ZBTB25: variants seen among roughly 807,000 people sequenced by gnomAD.
The protein encoded by ZBTB25 is zinc finger and BTB domain containing 25.
A neutral mutation model predicts 34.2 loss-of-function variants in ZBTB25; 20 were observed. The ratio of observed to expected loss-of-function variants is 0.58; its 90% CI spans 0.41 to 0.85. The LOEUF is 0.85. Ranked by LOEUF, ZBTB25 falls within the 40% of genes least tolerant of loss-of-function variation. The pLI, the probability that ZBTB25 is intolerant of heterozygous loss-of-function variation, is 0.00. For missense variants in ZBTB25, 437 were observed against 521.8 expected (o/e 0.84, Z 1.58); for synonymous variants, 175 against 186.4 (o/e 0.94, Z 0.50).
chr14:64,494,619 ACT>A (rs1253167061), intron 1 of ZBTB25, among the ~76,000 whole-genome samples: 1 of 152,074 alleles, frequency 6.6e-6, no homozygotes, highest in African/African-American at 2.4e-5. Flanking sequence ...ACAGAGCGAG[ACT>A]CTGTCTCAAA....
rs199543825 is a variant in ZBTB25 at position 64,487,429 on chromosome 14, C to T, written c.802G>A (p.Gly268Ser). ...CTTTCCAGAATGGAAGCAGGGACACCGAATGGCAGGGATCCAGACACATGT... is the reference window on the plus strand; with the variant it reads ...CTTTCCAGAATGGAAGCAGGGACACTGAATGGCAGGGATCCAGACACATGT... ...HTHVSGSLPF[G>S]VPASILESND... The change falls in exon 3 of 3, where the codon GGT becomes AGT. Residue 268 changes from glycine to serine, a missense_variant. Transcript: ENST00000608382. 5.3e-5 allele frequency: 85 copies of T among 1,614,114 alleles called. No individual in the cohort carries two copies. The highest frequency in any genetic ancestry group is 4.2e-4 in the South Asian group (38 of 91,078).
At chr14:64,499,246 T>C (rs949835036) in intron 1 of ZBTB25, among the ~76,000 whole-genome samples, 2 of 152,144 alleles carry the variant, frequency 1.3e-5, no homozygotes, top group East Asian at 1.9e-4. Flanking sequence ...GTAATTCTAA[T>C]TGTAACCTTA....
At position 64,479,669 on chromosome 14, in the gene ZBTB25, C is replaced by G. The variant is rs534578760; in HGVS notation, c.*7254G>C. 6.6e-6 allele frequency: 1 copy of G among 152,230 alleles called. No homozygotes were observed. Among genetic ancestry groups the G allele is most frequent in the Admixed American group, 6.5e-5 (1 of 15,280 alleles). The allele number at this position is 152,230 out of a possible 1,614,324, so 9.4% of individuals were successfully genotyped here. A position where few individuals can be genotyped will look rare whatever the true frequency, so the allele number is the denominator to read the frequency against. On this transcript the variant is annotated 3_prime_UTR_variant, in exon 3 of 3. Coordinates refer to ENST00000608382, the MANE Select transcript of ZBTB25 (RefSeq NM_006977.5). ...GCCTGACTGCTTGAGCTGCAATTATCGGTCTTTTCTTCCCTTTGGACCCAA... is the reference window on the plus strand; with the variant it reads ...GCCTGACTGCTTGAGCTGCAATTATGGGTCTTTTCTTCCCTTTGGACCCAA...
chr14:64,504,900 C>T, upstream of ZBTB25: 2 of 396,114 alleles, frequency 5.0e-6, no homozygotes, highest in Admixed American at 8.8e-5. Context: ...GGCTGATTTG[C>T]CTTAAACTCC....
exon 3 of ZBTB25, chr14:64,449,451 T>C (rs2078336127): frequency 1.2e-6 from 2 of 1,613,256 alleles, no homozygotes; most frequent in Admixed American, 1.7e-5. Flanking sequence ...ATAGGACGGA[T>C]ACAGAGTCTG....
In ZBTB25 at chr14:64,479,925, T is replaced by C. The variant is rs1436692997; in HGVS notation, c.*6998A>G. ...TCTCTCTCTCAGTTCTACCTGTTGT[T>C]TCTTTCTTTTTCTGGAGAATCCTGA... On this transcript the variant is annotated 3_prime_UTR_variant, in exon 3 of 3. Transcript: ENST00000608382. 1 of 152,528 alleles carries C rather than the reference T, an allele frequency of 6.6e-6. No homozygotes were observed. Among genetic ancestry groups the C allele is most frequent in the African/African-American group, 2.4e-5 (1 of 41,466 alleles). 9.4% of individuals were successfully genotyped at this position (152,528 alleles called of 1,614,324 possible). A position where few individuals can be genotyped will look rare whatever the true frequency, so the allele number is the denominator to read the frequency against.
intron 1 of ZBTB25, among the ~76,000 whole-genome samples, chr14:64,494,885 A>C (rs1435755642): frequency 6.6e-6 from 1 of 152,234 alleles, no homozygotes; most frequent in African/African-American, 2.4e-5. Context: ...CTCAAATTAA[A>C]TGACTTATCT....
At chr14:64,472,678 G>T (rs1202998087) in intron 2 of ZBTB25, 2 of 166,866 alleles carry the variant, frequency 1.2e-5, no homozygotes, top group African/African-American at 4.8e-5. Flanking sequence ...GATTATATGT[G>T]CTACATGGCC....
intron 2 of ZBTB25, among the ~76,000 whole-genome samples, chr14:64,457,631 T>A (rs976887003): frequency 2.0e-5 from 3 of 151,904 alleles, no homozygotes; most frequent in Admixed American, 2.0e-4. Flanking sequence ...AATTTTTGTA[T>A]TTTTAGTAGA....
Position 64,488,033 on chromosome 14 carries a change from A to T in ZBTB25, c.198T>A (p.Thr66=), listed in dbSNP as rs567880598. Residue 66 remains threonine, a synonymous_variant, in exon 3 of 3, where the codon ACT becomes ACA. Transcript: ENST00000608382. ...AGCTGAATATGTCAGGTTGGATGTCAGTTGGTTGTATTTTTATGCATTCAC... is the reference window on the plus strand; with the variant it reads ...AGCTGAATATGTCAGGTTGGATGTCTGTTGGTTGTATTTTTATGCATTCAC... ...QTSECIKIQP[T]DIQPDIFSYL... 1 of 1,612,264 alleles carries T rather than the reference A, an allele frequency of 6.2e-7. No homozygotes were observed. Among genetic ancestry groups the T allele is most frequent in the African/African-American group, 1.3e-5 (1 of 75,002 alleles).
downstream of ZBTB25, among the ~76,000 whole-genome samples, chr14:64,475,628 A>T (rs918305664): frequency 6.6e-6 from 1 of 152,104 alleles, no homozygotes; most frequent in Admixed American, 6.5e-5. Flanking sequence ...CTGAAAGCTT[A>T]AGCTTACTGG....
At chr14:64,491,589 A>C (rs2079080054) in intron 1 of ZBTB25, among the ~76,000 whole-genome samples, 1 of 152,246 alleles carries the variant, frequency 6.6e-6, no homozygotes, top group Non-Finnish European at 1.5e-5. Context: ...CTATATGAGG[A>C]AGAACATGCA....
At chr14:64,498,023 T>C (rs375750124) in intron 1 of ZBTB25, among the ~76,000 whole-genome samples, 2 of 152,242 alleles carry the variant, frequency 1.3e-5, no homozygotes, top group East Asian at 3.8e-4. Context: ...TACTTACTCA[T>C]GGCTATAAAT....
intron 2 of ZBTB25, chr14:64,469,577 A>G: frequency 6.2e-7 from 1 of 1,613,894 alleles, no homozygotes; most frequent in Non-Finnish European, 8.5e-7. Context: ...CTTAATTGAA[A>G]CAGCCTCTTC....
rs556457030 is a variant in ZBTB25 at position 64,478,065 on chromosome 14, T to C, written c.*8858A>G. On this transcript the variant is annotated 3_prime_UTR_variant, in exon 3 of 3. Coordinates refer to ENST00000608382, the MANE Select transcript of ZBTB25 (RefSeq NM_006977.5). ...ACACCATGGTGTTCCAGTAGCTTAA[T>C]ACTTTATTATTTTGATACAATATCA... 1 of 152,380 alleles carries C rather than the reference T, an allele frequency of 6.6e-6. No homozygotes were observed. The highest frequency in any genetic ancestry group is 2.1e-4 in the South Asian group (1 of 4,830). 9.4% of individuals were successfully genotyped at this position (152,380 alleles called of 1,614,324 possible).
At chr14:64,501,963 TATA>T (rs1463700192) in intron 1 of ZBTB25, among the ~76,000 whole-genome samples, 1 of 152,168 alleles carries the variant, frequency 6.6e-6, no homozygotes, top group African/African-American at 2.4e-5. Context: ...AGGAGCAAGA[TATA>T]ATGCAAAACA....
chr14:64,495,788 C>T (rs1468918282), intron 1 of ZBTB25, among the ~76,000 whole-genome samples: 10 of 152,028 alleles, frequency 6.6e-5, no homozygotes, highest in Admixed American at 6.6e-4. Flanking sequence ...GAAACCCCAT[C>T]TCTACTAAAA....
chr14:64,477,145 T>G (rs1331655068), downstream of ZBTB25, among the ~76,000 whole-genome samples: 1 of 152,014 alleles, frequency 6.6e-6, no homozygotes, highest in East Asian at 1.9e-4. Context: ...CTGCAGAAAT[T>G]CAAAATAAGG....
At chr14:64,502,225 T>C (rs763465821) in intron 1 of ZBTB25, among the ~76,000 whole-genome samples, 2 of 152,218 alleles carry the variant, frequency 1.3e-5, no homozygotes, top group Non-Finnish European at 2.9e-5. Flanking sequence ...AAATAAGACA[T>C]TCAAGGTAGG....
Sources: allele counts gnomAD v4.1 joint callset (sites outside exome capture counted in the v4.1 genomes callset), GRCh38; gene constraint gnomAD v4.1.1; transcripts MANE v1.5; gene names NCBI Gene and HGNC (gene_info 2026-07-23, HGNC 2026-07-21).